CUL5: variants seen among roughly 807,000 people sequenced by gnomAD.
The protein encoded by CUL5 is cullin-5.
A neutral mutation model predicts 108.8 loss-of-function variants in CUL5; 26 were observed. That is an observed-to-expected ratio of 0.24 (90% CI 0.18 to 0.33). The LOEUF is 0.33. Ranked by LOEUF, CUL5 falls within the 10% of genes least tolerant of loss-of-function variation. The probability of loss-of-function intolerance (pLI) is 1.00; values close to 1 mark genes in which losing one functional copy is unlikely to be tolerated. For synonymous variants in CUL5, 334 were observed against 298.0 expected (o/e 1.12, Z -1.25); for missense variants, 524 against 909.2 (o/e 0.58, Z 5.45).
intron 1 of CUL5, among the ~76,000 whole-genome samples, chr11:108,020,019 C>T (rs936215287): frequency 4.6e-5 from 7 of 152,072 alleles, no homozygotes; most frequent in African/African-American, 1.2e-4. Flanking sequence ...AACTCACTCA[C>T]TGCTCACCAC....
chr11:108,044,232 A>G (rs1863008265), intron 2 of CUL5, among the ~76,000 whole-genome samples: 1 of 152,184 alleles, frequency 6.6e-6, no homozygotes, highest in Non-Finnish European at 1.5e-5. Context: ...AAATTGGAAT[A>G]TAGGCCAACC....
chr11:108,023,481 T>C (rs1862377321), intron 1 of CUL5, among the ~76,000 whole-genome samples: 1 of 152,220 alleles, frequency 6.6e-6, no homozygotes, highest in African/African-American at 2.4e-5. Context: ...TTAAAATTCC[T>C]TTTATAGATT....
chr11:108,018,833 G>T (rs1023714389), intron 1 of CUL5, among the ~76,000 whole-genome samples: 2 of 152,128 alleles, frequency 1.3e-5, no homozygotes, highest in African/African-American at 2.4e-5. Flanking sequence ...CAATGGTTAT[G>T]AGCTCAGCCT....
In CUL5 at chr11:108,008,923, G is replaced by T. The variant is rs1861983787; in HGVS notation, c.-426G>T. 1 of 167,548 alleles carries T rather than the reference G, an allele frequency of 6.0e-6. No homozygotes were observed. The highest frequency in any genetic ancestry group is 1.6e-4 in the South Asian group (1 of 6,154). The allele number at this position is 167,548 out of a possible 1,614,324, so 10.4% of individuals were successfully genotyped here. A position where few individuals can be genotyped will look rare whatever the true frequency, so the allele number is the denominator to read the frequency against. On this transcript the variant is annotated 5_prime_UTR_variant, in exon 1 of 19. Transcript: ENST00000393094. ...GCGCGTCCCCGCCCTCGCGTCACGT[G>T]ACGTGGCCGCGGAACCTGAGCTGCG...
At chr11:108,069,109 T>C (rs1863760978) in intron 7 of CUL5, among the ~76,000 whole-genome samples, 1 of 152,060 alleles carries the variant, frequency 6.6e-6, no homozygotes, top group Admixed American at 6.6e-5. Flanking sequence ...TTTAAAAAAT[T>C]AACCAGACTT....
intron 11 of CUL5, among the ~76,000 whole-genome samples, chr11:108,081,753 A>T (rs1350169017): frequency 1.3e-5 from 2 of 152,242 alleles, no homozygotes; most frequent in African/African-American, 2.4e-5. Flanking sequence ...CTCCGTCTCA[A>T]GAAAAAAATC....
At chr11:108,049,848 G>T in intron 3 of CUL5, 42 bp from the exon 4 acceptor site, 1 of 1,514,836 alleles carries the variant, frequency 6.6e-7, no homozygotes, top group Non-Finnish European at 9.0e-7. Flanking sequence ...ATTTTTCAAA[G>T]CAACTGCATT....
chr11:108,054,256 C>T (rs184802733), intron 5 of CUL5, among the ~76,000 whole-genome samples: 1 of 152,338 alleles, frequency 6.6e-6, no homozygotes, highest in Non-Finnish European at 1.5e-5. Context: ...TCCACTTAGA[C>T]AACCTAGTCA....
chr11:108,097,781 A>C, intron 17 of CUL5, 27 bp downstream of exon 17: 1 of 1,254,646 alleles, frequency 8.0e-7, no homozygotes, highest in Non-Finnish European at 1.1e-6. Flanking sequence ...ATCTAAAATA[A>C]AAACACCTTG....
chr11:108,040,739 A>G (rs1254015042), intron 2 of CUL5, among the ~76,000 whole-genome samples: 2 of 151,988 alleles, frequency 1.3e-5, no homozygotes. Context: ...TTATCATGCC[A>G]CTGCACTCCA....
At chr11:108,053,257 G>A (rs888633463) in intron 5 of CUL5, among the ~76,000 whole-genome samples, 2 of 152,114 alleles carry the variant, frequency 1.3e-5, no homozygotes, top group African/African-American at 2.4e-5. Flanking sequence ...TTAATTCCCA[G>A]AGTAAGTTAA....
Position 108,049,955 on chromosome 11 carries a change from C to G in CUL5, c.300C>G (p.Phe100Leu). The G allele has an allele frequency of 6.2e-7, 1 of 1,613,462 alleles. No individual in the cohort carries two copies. The highest frequency in any genetic ancestry group is 8.5e-7 in the Non-Finnish European group (1 of 1,179,644). The change falls in exon 4 of 19, where the codon TTC becomes TTG. Residue 100 changes from phenylalanine to leucine, a missense_variant. Transcript: ENST00000393094. ...CATATATTGTTGAATGGCGAAAGTT[C>G]TTTACACAATGTGATATTTTACCAA... ...LKAYIVEWRKFFTQCDILPKP... is the reference protein window; with the variant it reads ...LKAYIVEWRKLFTQCDILPKP...
chr11:108,021,097 T>C (rs924104660), intron 1 of CUL5, among the ~76,000 whole-genome samples: 1 of 152,258 alleles, frequency 6.6e-6, no homozygotes, highest in Non-Finnish European at 1.5e-5. Context: ...TAATAGACTA[T>C]ACCATTTAGC....
chr11:108,048,060 A>G (rs1416944477), intron 3 of CUL5, among the ~76,000 whole-genome samples: 2 of 152,164 alleles, frequency 1.3e-5, no homozygotes, highest in Non-Finnish European at 2.9e-5. Flanking sequence ...AGGAGTAGCA[A>G]TGCCAGACAT....
At chr11:108,011,230 A>G (rs969013468) in intron 1 of CUL5, among the ~76,000 whole-genome samples, 1 of 152,222 alleles carries the variant, frequency 6.6e-6, no homozygotes, top group African/African-American at 2.4e-5. Flanking sequence ...AACCTCACAA[A>G]GGATTGTTTG....
At chr11:108,041,848 T>A (rs1359144697) in intron 2 of CUL5, among the ~76,000 whole-genome samples, 1 of 152,164 alleles carries the variant, frequency 6.6e-6, no homozygotes, top group Non-Finnish European at 1.5e-5. Flanking sequence ...TGCCTCGGCC[T>A]CCCAAAGTGC....
intron 2 of CUL5, among the ~76,000 whole-genome samples, chr11:108,037,984 T>C (rs1862788573): frequency 6.6e-6 from 1 of 152,212 alleles, no homozygotes; most frequent in African/African-American, 2.4e-5. Context: ...CATTGGGCTA[T>C]TGTAATCGTT....
intron 1 of CUL5, among the ~76,000 whole-genome samples, chr11:108,011,770 G>A (rs1862063476): frequency 6.6e-6 from 1 of 152,112 alleles, no homozygotes; most frequent in South Asian, 2.1e-4. Flanking sequence ...TGGGACTACA[G>A]GCGCACGCCA....
At chr11:108,020,827 C>T (rs749288062) in intron 1 of CUL5, among the ~76,000 whole-genome samples, 2 of 152,084 alleles carry the variant, frequency 1.3e-5, no homozygotes. Flanking sequence ...TTAGCATAGC[C>T]TAAGTGTTTA....
Sources: gnomAD v4.1 joint callset for allele counts (sites outside exome capture counted in the v4.1 genomes callset) on GRCh38, gnomAD v4.1.1 for gene constraint, MANE v1.5 for transcripts, NCBI Gene and HGNC (gene_info 2026-07-23, HGNC 2026-07-21) for gene names.